The following KCNH8 variants were observed in gnomAD, a reference collection of about 807,000 sequenced individuals.
The protein encoded by KCNH8 is potassium voltage-gated channel subfamily H member 8, also known as voltage-gated delayed rectifier potassium channel KCNH8.
KCNH8 carries 70 observed loss-of-function variants against 103.6 expected under a neutral mutation model. The ratio of observed to expected loss-of-function variants is 0.68; its 90% CI spans 0.56 to 0.82. The LOEUF is 0.82. KCNH8 is among the 40% of genes least tolerant of loss of function. KCNH8 has a pLI of 0.00. For synonymous variants in KCNH8, 498 were observed against 489.4 expected, an observed-to-expected ratio of 1.02 and a Z score of -0.23; for missense variants, 1,217 against 1,329.9, an observed-to-expected ratio of 0.92 and a Z score of 1.32.
chr3:19,339,312 G>A (rs2065626904), intron 3 of KCNH8, among the ~76,000 whole-genome samples: 1 of 152,078 alleles, frequency 6.6e-6, no homozygotes, highest in Non-Finnish European at 1.5e-5. Context: ...GGTTCATTTT[G>A]TAGTTAGCAT....
At chr3:19,477,114 T>C (rs769961049) in intron 11 of KCNH8, among the ~76,000 whole-genome samples, 1 of 152,172 alleles carries the variant, frequency 6.6e-6, no homozygotes, top group African/African-American at 2.4e-5. Context: ...GATAGCCCTT[T>C]TGCTGGGAGA....
At chr3:19,296,100 A>G (rs1251038730) in intron 3 of KCNH8, among the ~76,000 whole-genome samples, 1 of 152,122 alleles carries the variant, frequency 6.6e-6, no homozygotes, top group Admixed American at 6.5e-5. Flanking sequence ...TTTATTTGAC[A>G]CTTTGTGTGG....
chr3:19,410,837 T>G (rs2066765624), intron 7 of KCNH8, among the ~76,000 whole-genome samples: 1 of 149,056 alleles, frequency 6.7e-6, no homozygotes, highest in South Asian at 2.1e-4. Flanking sequence ...CGCACCAATA[T>G]TGAGTTCCAA....
At chr3:19,528,912 T>C (rs529817367) in intron 15 of KCNH8, among the ~76,000 whole-genome samples, 1 of 152,152 alleles carries the variant, frequency 6.6e-6, no homozygotes, top group Admixed American at 6.6e-5. Flanking sequence ...TGCAAAGTGG[T>C]CAGGGTTAAA....
chr3:19,290,631 C>T (rs554383127), intron 3 of KCNH8, among the ~76,000 whole-genome samples: 3 of 152,172 alleles, frequency 2.0e-5, no homozygotes. Flanking sequence ...TTTTGATGTG[C>T]TGCTGGATTC....
intron 10 of KCNH8, 128 bp from the exon 11 acceptor site, chr3:19,456,640 G>T: frequency 1.6e-6 from 1 of 644,904 alleles, no homozygotes; most frequent in Non-Finnish European, 2.7e-6. Context: ...GAAAAGCCCT[G>T]CCCCAAGGTA....
rs1020360648 is a variant in KCNH8, at chr3:19,503,682, A to T, written c.2041-6681A>T. On this transcript the variant is annotated intron_variant, in intron 11 of 15. Transcript: ENST00000328405. Reference sequence around the variant, plus strand: ...TCTCAGTAAACTATCTCAAGAACAAAAAACCAAACACCGCATATTCTCACT... The same window carrying T: ...TCTCAGTAAACTATCTCAAGAACAATAAACCAAACACCGCATATTCTCACT... Among the ~76,000 whole-genome samples, 1,282 of 151,976 alleles carry T rather than the reference A, an allele frequency of 8.4e-3. 15 individuals carry two copies. The highest frequency in any genetic ancestry group is 0.02 in the South Asian group (94 of 4,806).
intron 1 of KCNH8, among the ~76,000 whole-genome samples, chr3:19,224,245 A>C (rs1236203086): frequency 6.6e-6 from 1 of 152,214 alleles, no homozygotes; most frequent in East Asian, 1.9e-4. Context: ...TTTTTAAATA[A>C]TGAGTACATT....
chr3:19,200,340 AAAGAGAATT>A (rs2063645131), intron 1 of KCNH8, among the ~76,000 whole-genome samples: 1 of 152,094 alleles, frequency 6.6e-6, no homozygotes, highest in Non-Finnish European at 1.5e-5. Context: ...GTCTGTTTTT[AAAGAGAATT>A]AAGAGATAAC....
chr3:19,323,245 C>T (rs1053244543), intron 3 of KCNH8, among the ~76,000 whole-genome samples: 6 of 151,920 alleles, frequency 3.9e-5, no homozygotes, highest in Non-Finnish European at 7.4e-5. Context: ...GTCAAGAGAT[C>T]GAGACCATCC....
At chr3:19,212,941 T>G (rs575934489) in intron 1 of KCNH8, among the ~76,000 whole-genome samples, 35 of 152,322 alleles carry the variant, frequency 2.3e-4, no homozygotes, top group African/African-American at 7.5e-4. Context: ...TCCTTTATTT[T>G]TTCAATGAGA....
intron 1 of KCNH8, among the ~76,000 whole-genome samples, chr3:19,155,774 C>T (rs896581581): frequency 2.6e-5 from 4 of 152,358 alleles, no homozygotes; most frequent in Admixed American, 6.5e-5. Flanking sequence ...AGTAAAGTTA[C>T]ATGACATTTC....
chr3:19,324,868 C>A (rs1165534220), intron 3 of KCNH8, among the ~76,000 whole-genome samples: 2 of 151,892 alleles, frequency 1.3e-5, no homozygotes, highest in African/African-American at 2.4e-5. Context: ...AAAAAAGGGC[C>A]CAAACAGCCA....
At chr3:19,482,014 G>A (rs761306072) in intron 11 of KCNH8, among the ~76,000 whole-genome samples, 6 of 152,236 alleles carry the variant, frequency 3.9e-5, no homozygotes, top group Non-Finnish European at 2.9e-5. Flanking sequence ...TCCAAAAACC[G>A]AGCTCCCCGA....
chr3:19,439,666 A>G (rs573671941), intron 8 of KCNH8, among the ~76,000 whole-genome samples: 16 of 152,332 alleles, frequency 1.1e-4, no homozygotes, highest in Admixed American at 4.6e-4. Context: ...ACAACAGACA[A>G]TAATTCAAAA....
chr3:19,309,220 T>G (rs1300301569), intron 3 of KCNH8, among the ~76,000 whole-genome samples: 2 of 151,970 alleles, frequency 1.3e-5, no homozygotes, highest in African/African-American at 4.8e-5. Context: ...AGTGCTGCCA[T>G]TGTCTAAGAG....
chr3:19,533,953 G>A lies in KCNH8; in HGVS notation c.3178G>A (p.Val1060Met), dbSNP rs765466883. 1 of 1,614,062 alleles carries A rather than the reference G, an allele frequency of 6.2e-7. No homozygotes were observed. The highest frequency in any genetic ancestry group is 8.5e-7 in the Non-Finnish European group (1 of 1,179,948). ...SEEGSFSQGT[V>M]SSFSLENLPG... ...GGAGGGCAGCTTCAGTCAGGGAACT[G>A]TGAGTTCCTTCAGTCTGGAAAACTT... Residue 1060 changes from valine (V) to methionine (M), a missense_variant, in exon 16 of 16, where the codon GTG becomes ATG. By Grantham distance (21) the Val-to-Met change is conservative. This residue lies in a region of KCNH8 where 558 missense variants were observed against 495.8 expected (regional missense o/e 1.13). Coordinates refer to ENST00000328405, the MANE Select transcript of KCNH8 (RefSeq NM_144633.3).
intron 5 of KCNH8, among the ~76,000 whole-genome samples, chr3:19,378,038 T>C (rs1367470411): frequency 6.6e-6 from 1 of 152,154 alleles, no homozygotes; most frequent in Non-Finnish European, 1.5e-5. Flanking sequence ...GGTATATGTG[T>C]TGAGGGGAGT....
intron 1 of KCNH8, among the ~76,000 whole-genome samples, chr3:19,168,688 T>G (rs2063309127): frequency 6.6e-6 from 1 of 152,200 alleles, no homozygotes; most frequent in African/African-American, 2.4e-5. Flanking sequence ...TCTGAGTGTT[T>G]GAATGTCTTC....
Sources: allele counts gnomAD v4.1 joint callset (sites outside exome capture counted in the v4.1 genomes callset), GRCh38; gene constraint gnomAD v4.1.1; regional missense constraint gnomAD v4.1.1; transcripts MANE v1.5; gene names NCBI Gene and HGNC (gene_info 2026-07-23, HGNC 2026-07-21).